Variants in PTPRS observed in about 807,000 individuals in gnomAD.
The protein encoded by PTPRS is protein tyrosine phosphatase receptor type S.
PTPRS carries 63 observed loss-of-function variants against 215.3 expected under a neutral mutation model. The ratio of observed to expected loss-of-function variants is 0.29; its 90% CI spans 0.24 to 0.36. The LOEUF (loss-of-function observed/expected upper bound fraction) is 0.36, where lower values mean the gene tolerates loss of function less well. PTPRS is among the 10% of genes least tolerant of loss of function. PTPRS has a pLI of 1.00. For synonymous variants in PTPRS, 1,404 were observed against 1,191.4 expected, an observed-to-expected ratio of 1.18 and a Z score of -3.68; for missense variants, 2,258 against 2,825.8, an observed-to-expected ratio of 0.80 and a Z score of 4.56.
chr19:5,255,240 A>T (rs1021220366), intron 9 of PTPRS, among the ~76,000 whole-genome samples: 58 of 152,152 alleles, frequency 3.8e-4, no homozygotes, highest in African/African-American at 1.3e-3. Context: ...TGCTCTCTCC[A>T]CACACCCCAC....
chr19:5,333,062 C>T (rs1600147163), intron 1 of PTPRS, among the ~76,000 whole-genome samples: 1 of 151,750 alleles, frequency 6.6e-6, no homozygotes, highest in Non-Finnish European at 1.5e-5. Context: ...GGCAGGAGAA[C>T]CACTTGAACC....
intron 19 of PTPRS, 112 bp from the exon 20 acceptor site, chr19:5,221,365 G>T: frequency 7.2e-7 from 1 of 1,396,020 alleles, no homozygotes; most frequent in Non-Finnish European, 9.6e-7. Context: ...ACTGAATCCT[G>T]CCCTAGGCAG....
At chr19:5,218,617 T>TCCTTTTCTTACCATGC in intron 24 of PTPRS, 85 bp from the exon 25 acceptor site, 1 of 1,530,848 alleles carries the variant, frequency 6.5e-7, no homozygotes, top group Non-Finnish European at 9.1e-7. Flanking sequence ...GAATGCATGG[T>TCCTTTTCTTACCATGC]AAGAAAAGGA....
At chr19:5,220,376 CAG>C in intron 20 of PTPRS, 23 bp from the exon 21 acceptor site, 3 of 1,595,074 alleles carry the variant, frequency 1.9e-6, no homozygotes, top group Middle Eastern at 1.7e-4. Flanking sequence ...GGGAAAGAGT[CAG>C]AGGGGCTGTC....
intron 1 of PTPRS, among the ~76,000 whole-genome samples, chr19:5,336,181 C>CAG (rs1479053356): frequency 6.8e-6 from 1 of 146,892 alleles, no homozygotes; most frequent in Admixed American, 7.3e-5. Flanking sequence ...AAATATCAGC[C>CAG]AGAGACAAGA....
chr19:5,332,026 G>A (rs542953698), intron 1 of PTPRS, among the ~76,000 whole-genome samples: 22 of 152,212 alleles, frequency 1.4e-4, no homozygotes, highest in Non-Finnish European at 2.5e-4. Flanking sequence ...CAGAAGTCAC[G>A]CAACTTTTAA....
At chr19:5,269,943 G>C (rs1011325808) in intron 4 of PTPRS, among the ~76,000 whole-genome samples, 1 of 76,710 alleles carries the variant, frequency 1.3e-5, no homozygotes, top group African/African-American at 4.6e-5. Flanking sequence ...AAAAAAAAAA[G>C]AGTGTGGATG....
chr19:5,274,958 C>A (rs184178532), intron 2 of PTPRS, among the ~76,000 whole-genome samples: 1 of 152,164 alleles, frequency 6.6e-6, no homozygotes, highest in East Asian at 1.9e-4. Flanking sequence ...GGGGTCAGTG[C>A]CCAGGAGAGT....
At position 5,215,488 on chromosome 19, in the gene PTPRS, G is replaced by A. The variant is rs2041342634; in HGVS notation, c.4194+10C>T. 1.9e-6 allele frequency: 3 copies of A among 1,607,018 alleles called. No individual in the cohort carries two copies. Among genetic ancestry groups the A allele is most frequent in the African/African-American group, 1.3e-5 (1 of 74,766 alleles). On this transcript the variant is annotated intron_variant, in intron 27 of 37. Coordinates refer to ENST00000262963, the MANE Select transcript of PTPRS (RefSeq NM_002850.4). Reference sequence around the variant, plus strand: ...GAGGTGATGAGGGTGGGAGGCGGGGGTGGGCTCACCTCATACTCCTGGGAG... The same window carrying A: ...GAGGTGATGAGGGTGGGAGGCGGGGATGGGCTCACCTCATACTCCTGGGAG...
chr19:5,215,988 T>C (rs1265696117), intron 26 of PTPRS, among the ~76,000 whole-genome samples: 4 of 152,120 alleles, frequency 2.6e-5, no homozygotes, highest in Non-Finnish European at 5.9e-5. Flanking sequence ...AGAAATTAAA[T>C]TGCAGACGCA....
intron 1 of PTPRS, among the ~76,000 whole-genome samples, chr19:5,309,871 TC>T (rs1228795573): frequency 6.6e-6 from 1 of 151,454 alleles, no homozygotes; most frequent in Non-Finnish European, 1.5e-5. Flanking sequence ...TCTGCACTCA[TC>T]CCCCACAGTC....
chr19:5,259,263 T>A (rs567401673), intron 7 of PTPRS, among the ~76,000 whole-genome samples: 2 of 152,344 alleles, frequency 1.3e-5, no homozygotes, highest in South Asian at 4.1e-4. Context: ...TTCCCCTCAA[T>A]ACATTTGAAA....
chr19:5,212,031 G>A lies in PTPRS; in HGVS notation c.4989C>T (p.Ala1663=). ...NTEVPARSLY[A]YIQKLAQVEP... ...CCACCTGGGCCAGCTTCTGGATGTA[G>A]GCATAGAGGCTGCGTGCGGGCACTT... is the stretch of plus-strand genomic sequence containing the variant. The change falls in exon 32 of 38, where the codon GCC becomes GCT. Residue 1663 remains alanine (A), a synonymous_variant. Transcript: ENST00000262963. 1.2e-6 allele frequency: 2 copies of A among 1,613,898 alleles called. No homozygotes were observed. The highest frequency in any genetic ancestry group is 8.5e-7 in the Non-Finnish European group (1 of 1,180,030).
At position 5,222,060 on chromosome 19, in the gene PTPRS, G is replaced by T. The variant is rs3746132; in HGVS notation, c.3201+63C>A. 6.6e-6 allele frequency: 9 copies of T among 1,358,970 alleles called. No individual in the cohort carries two copies. In the African/African-American group the frequency reaches 8.6e-5, roughly 13 times the overall value. 84.2% of individuals were successfully genotyped at this position (1,358,970 alleles called of 1,614,324 possible). A position where few individuals can be genotyped will look rare whatever the true frequency, so the allele number is the denominator to read the frequency against. On this transcript the variant is annotated intron_variant, in intron 19 of 37. Coordinates refer to ENST00000262963, the MANE Select transcript of PTPRS (RefSeq NM_002850.4). The stretch of plus-strand genomic sequence containing the variant: ...ACACCAACTCCAAACTGAGCCTTAA[G>T]CCCTGCTGAACTACAACCCCTGACC...
chr19:5,333,724 T>C (rs1413621760), intron 1 of PTPRS, among the ~76,000 whole-genome samples: 1 of 152,044 alleles, frequency 6.6e-6, no homozygotes, highest in Non-Finnish European at 1.5e-5. Context: ...AGCACCCATT[T>C]TACAGATCAG....
chr19:5,270,766 A>G (rs190956484), intron 4 of PTPRS, among the ~76,000 whole-genome samples: 154 of 152,126 alleles, frequency 1.0e-3, no homozygotes, highest in African/African-American at 3.5e-3. Context: ...GCCTCCCAAG[A>G]ATCCGGGAGC....
chr19:5,340,196 G>T (rs1010191357), intron 1 of PTPRS, among the ~76,000 whole-genome samples: 1 of 149,862 alleles, frequency 6.7e-6, no homozygotes, highest in Admixed American at 6.6e-5. Flanking sequence ...CCCATCCCCC[G>T]GCACAGCGCC....
At chr19:5,266,946 G>A (rs2046445390) in intron 4 of PTPRS, among the ~76,000 whole-genome samples, 1 of 152,016 alleles carries the variant, frequency 6.6e-6, no homozygotes, top group Non-Finnish European at 1.5e-5. Flanking sequence ...TGCTCTAAAT[G>A]CCCCCACACT....
In PTPRS at chr19:5,222,126, G is replaced by A. The variant is rs2042029436; in HGVS notation, c.3198C>T (p.Tyr1066=). The change falls in exon 19 of 38, where the codon TAC becomes TAT. Residue 1066 remains tyrosine, a synonymous_variant. Transcript: ENST00000262963. ...FPDNYNSPTP[Y]KIQYNGLTLD... The stretch of plus-strand genomic sequence containing the variant: ...CCTGCTGGCTGGGCAGTCGCACCTT[G>A]TAGGGTGTGGGTGAGTTGTAGTTGT... The A allele has an allele frequency of 1.2e-6, 2 of 1,613,026 alleles. No individual in the cohort carries two copies. Among genetic ancestry groups the A allele is most frequent in the East Asian group, 2.2e-5 (1 of 44,878 alleles).
Sources: allele counts gnomAD v4.1 joint callset (sites outside exome capture counted in the v4.1 genomes callset), GRCh38; gene constraint gnomAD v4.1.1; transcripts MANE v1.5; gene names NCBI Gene and HGNC (gene_info 2026-07-23, HGNC 2026-07-21).